TTC23L: variants seen among roughly 807,000 people sequenced by gnomAD.
TTC23L encodes the protein tetratricopeptide repeat protein 23-like.
Under a neutral mutation model 48.1 loss-of-function variants are expected in TTC23L, and 42 were observed. The observed-to-expected ratio is 0.87, with a 90% CI of 0.68 to 1.13. TTC23L has a LOEUF of 1.13. Among genes scored for constraint, TTC23L ranks in the 50% most tolerant of loss-of-function variants. The probability of loss-of-function intolerance (pLI) is 0.00; values close to 1 mark genes in which losing one functional copy is unlikely to be tolerated. For synonymous variants in TTC23L, 159 were observed against 157.2 expected (o/e 1.01, Z -0.09); for missense variants, 391 against 421.0 (o/e 0.93, Z 0.62).
At chr5:34,924,965 C>T in the TTC23L span, 2 of 1,612,868 alleles carry the variant, frequency 1.2e-6, no homozygotes, top group East Asian at 2.2e-5. Flanking sequence ...CACTACCAGT[C>T]ACCAAACATG....
the TTC23L span, chr5:34,925,087 T>G: frequency 6.8e-7 from 1 of 1,469,758 alleles, no homozygotes. Flanking sequence ...TGGTTTTTGC[T>G]GCATAGAAAC....
the TTC23L span, chr5:34,906,737 T>C: frequency 1.3e-5 from 2 of 152,200 alleles, no homozygotes; most frequent in Admixed American, 1.3e-4. Context: ...AATCTGAAAT[T>C]GGAGAGTCTT....
intron 4 of TTC23L, among the ~76,000 whole-genome samples, chr5:34,859,531 A>G (rs141715750): frequency 1.1e-3 from 161 of 152,082 alleles, no homozygotes; most frequent in East Asian, 3.1e-3. Flanking sequence ...TGATTAGGCT[A>G]TGAGGGCCCC....
At chr5:34,908,645 C>G in the TTC23L span, 1 of 889,084 alleles carries the variant, frequency 1.1e-6, no homozygotes. Context: ...TTGCTCCTAT[C>G]TTCCCCATTG....
rs371873706 is a variant in TTC23L at position 34,857,105 on chromosome 5, G to A, written c.380-5793G>A. 2.6e-5 allele frequency among the ~76,000 whole-genome samples: 4 copies of A among 152,292 alleles called. No homozygotes were observed. In the East Asian group the frequency reaches 5.8e-4, roughly 22 times the overall value. On this transcript the variant is annotated intron_variant, in intron 4 of 10. Transcript: ENST00000505624. ...AAGCAGAGTGTATAAAAGTTGGTTC[G>A]CTTGTTAAACAGAACAAGTGACACT...
chr5:34,911,730 T>A, the TTC23L span: 1 of 1,614,190 alleles, frequency 6.2e-7, no homozygotes, highest in South Asian at 1.1e-5. Flanking sequence ...TTTTGCAGAC[T>A]GTCACCACTC....
chr5:34,848,030 T>C (rs1759357637), intron 3 of TTC23L, among the ~76,000 whole-genome samples: 2 of 152,202 alleles, frequency 1.3e-5, no homozygotes, highest in South Asian at 4.1e-4. Flanking sequence ...ACTATTTTTT[T>C]TTCCTTACAG....
Position 34,862,965 on chromosome 5 carries a change from T to TA in TTC23L, c.448dup (p.Thr150AsnfsTer5). 1 of 1,613,942 alleles carries TA rather than the reference T, an allele frequency of 6.2e-7. No homozygotes were observed. Reference sequence around the variant, plus strand: ...ATACACTGTTGACCTGGAAGGCAAATACGACCTCAAATAAGGAGAAAGAGG... The same window carrying TA: ...ATACACTGTTGACCTGGAAGGCAAATAACGACCTCAAATAAGGAGAAAGAGG... On this transcript the variant is annotated frameshift_variant, in exon 5 of 11. Transcript: ENST00000505624. LOFTEE classifies it high-confidence loss of function.
intron 4 of TTC23L, among the ~76,000 whole-genome samples, chr5:34,851,824 G>T (rs560739490): frequency 1.3e-5 from 2 of 152,288 alleles, no homozygotes; most frequent in African/African-American, 4.8e-5. Flanking sequence ...GGTGGCACTT[G>T]CAGTCAGTGC....
chr5:34,896,205 G>T (rs1394692057), intron 9 of TTC23L, among the ~76,000 whole-genome samples: 1 of 152,176 alleles, frequency 6.6e-6, no homozygotes, highest in Non-Finnish European at 1.5e-5. Context: ...CAGAGCAGTG[G>T]GGAGCTCTGC....
the TTC23L span, among the ~76,000 whole-genome samples, chr5:34,912,509 T>C: frequency 6.6e-6 from 1 of 152,166 alleles, no homozygotes; most frequent in Non-Finnish European, 1.5e-5. Flanking sequence ...TAATTAATAA[T>C]AGTGGAATTG....
chr5:34,897,728 A>T (rs1763321815), intron 10 of TTC23L, among the ~76,000 whole-genome samples: 1 of 152,238 alleles, frequency 6.6e-6, no homozygotes, highest in Non-Finnish European at 1.5e-5. Flanking sequence ...TGTCTTTAGA[A>T]TCAAAGTAGA....
intron 8 of TTC23L, among the ~76,000 whole-genome samples, chr5:34,872,183 G>A (rs1029377884): frequency 2.0e-5 from 3 of 152,084 alleles, no homozygotes; most frequent in Admixed American, 6.5e-5. Context: ...AGCTACTCAG[G>A]AGGCTGAAAT....
chr5:34,908,496 A>T, the TTC23L span: 1 of 265,132 alleles, frequency 3.8e-6, no homozygotes, highest in African/African-American at 2.2e-5. Context: ...TGTTACGCTG[A>T]CTCACAATTA....
intron 1 of TTC23L, 88 bp from the exon 2 acceptor site, chr5:34,840,577 G>A: frequency 1.7e-6 from 2 of 1,162,208 alleles, no homozygotes; most frequent in South Asian, 2.5e-5. Context: ...AGCAGTTTTA[G>A]TTTAATGTTA....
the TTC23L span, chr5:34,914,054 T>C: frequency 2.2e-6 from 1 of 455,714 alleles, no homozygotes; most frequent in South Asian, 1.5e-5. Context: ...CCGTGTCTTA[T>C]TTACCTCTCT....
the TTC23L span, among the ~76,000 whole-genome samples, chr5:34,919,274 CAAAAAAAAAAAAAA>C: frequency 5.6e-5 from 2 of 35,966 alleles, no homozygotes; most frequent in East Asian, 1.3e-3. Flanking sequence ...GACCCTGTCT[CAAAAAAAAAAAAAA>C]AAAAAAAAAA....
exon 3 of TTC23L, chr5:34,845,499 C>G (rs367913158): frequency 5.6e-6 from 9 of 1,612,894 alleles, no homozygotes; most frequent in Non-Finnish European, 6.8e-6. Flanking sequence ...CACAGCAAAC[C>G]GAGATCCCAG....
intron 6 of TTC23L, among the ~76,000 whole-genome samples, chr5:34,865,506 C>T (rs1760985679): frequency 6.6e-6 from 1 of 152,124 alleles, no homozygotes. Flanking sequence ...GAAAGATAGT[C>T]TTATTCTTTT....
Sources: gnomAD v4.1 joint callset for allele counts (sites outside exome capture counted in the v4.1 genomes callset) on GRCh38, gnomAD v4.1.1 for gene constraint, MANE v1.5 for transcripts, NCBI Gene and HGNC (gene_info 2026-07-23, HGNC 2026-07-21) for gene names.